The following SAMTOR variants were observed in gnomAD, a reference collection of about 807,000 sequenced individuals.
SAMTOR encodes S-adenosylmethionine sensor upstream of mTORC1.
the SAMTOR span, among the ~76,000 whole-genome samples, chr7:112,891,474 C>A: frequency 6.6e-6 from 1 of 152,134 alleles, no homozygotes; most frequent in Non-Finnish European, 1.5e-5. Context: ...TTTTCTGTGT[C>A]TATCAAGAAT....
the SAMTOR span, among the ~76,000 whole-genome samples, chr7:112,896,316 C>A: frequency 6.6e-6 from 1 of 152,178 alleles, no homozygotes. Context: ...ACATATAGCT[C>A]ATACTTTACA....
the SAMTOR span, among the ~76,000 whole-genome samples, chr7:112,843,791 T>C: frequency 6.6e-6 from 1 of 152,164 alleles, no homozygotes; most frequent in South Asian, 2.1e-4. Flanking sequence ...CACCTCATTC[T>C]ATGAAGCCAG....
chr7:112,834,955 G>C, the SAMTOR span, among the ~76,000 whole-genome samples: 5 of 152,070 alleles, frequency 3.3e-5, no homozygotes, highest in Non-Finnish European at 7.4e-5. Flanking sequence ...AAGATACTTT[G>C]AGATACCATA....
the SAMTOR span, among the ~76,000 whole-genome samples, chr7:112,824,404 A>C: frequency 6.6e-6 from 1 of 151,938 alleles, no homozygotes; most frequent in Non-Finnish European, 1.5e-5. Flanking sequence ...TCTGTTGCCC[A>C]GACTGGAGTG....
chr7:112,870,750 TAAAA>T, the SAMTOR span, among the ~76,000 whole-genome samples: 6 of 135,686 alleles, frequency 4.4e-5, no homozygotes, highest in African/African-American at 1.1e-4. Flanking sequence ...GAAATTGGAT[TAAAA>T]AAAAAAAAAA....
chr7:112,931,355 T>A, the SAMTOR span, among the ~76,000 whole-genome samples: 24 of 89,030 alleles, frequency 2.7e-4, no homozygotes, highest in African/African-American at 6.6e-4. Context: ...AAACTTAATA[T>A]CTACAAACAC....
the SAMTOR span, among the ~76,000 whole-genome samples, chr7:112,871,964 G>C: frequency 6.6e-6 from 1 of 152,108 alleles, no homozygotes; most frequent in Non-Finnish European, 1.5e-5. Flanking sequence ...ACCCTGAAGA[G>C]ACCAATGTGT....
chr7:112,858,946 T>C, the SAMTOR span, among the ~76,000 whole-genome samples: 2 of 152,170 alleles, frequency 1.3e-5, no homozygotes, highest in African/African-American at 4.8e-5. Flanking sequence ...CAAATACCTG[T>C]TTAGATGTCG....
chr7:112,938,966 A>C, the SAMTOR span, among the ~76,000 whole-genome samples: 1 of 152,210 alleles, frequency 6.6e-6, no homozygotes, highest in African/African-American at 2.4e-5. Flanking sequence ...TAAACAGTTA[A>C]GACCAAGTAT....
the SAMTOR span, chr7:112,939,793 G>A: frequency 4.0e-6 from 6 of 1,501,776 alleles, no homozygotes; most frequent in South Asian, 3.5e-5. Flanking sequence ...GGCCCCCGCA[G>A]ACGCTCCCCA....
the SAMTOR span, among the ~76,000 whole-genome samples, chr7:112,888,341 G>A: frequency 6.6e-6 from 1 of 152,020 alleles, no homozygotes; most frequent in South Asian, 2.1e-4. Flanking sequence ...GTGTTTTATG[G>A]CCAAATATGG....
chr7:112,827,979 T>C, the SAMTOR span, among the ~76,000 whole-genome samples: 11 of 152,114 alleles, frequency 7.2e-5, no homozygotes, highest in African/African-American at 2.2e-4. Context: ...CCTCCCAAAG[T>C]GCTGGGATAT....
chr7:112,822,464 T>C, the SAMTOR span: 2 of 1,056,852 alleles, frequency 1.9e-6, no homozygotes, highest in South Asian at 1.6e-5. Flanking sequence ...TCACATATCA[T>C]AGTAATTCCA....
chr7:112,892,736 CA>C, the SAMTOR span, among the ~76,000 whole-genome samples: 1 of 151,480 alleles, frequency 6.6e-6, no homozygotes, highest in African/African-American at 2.4e-5. Context: ...CATGCCACTC[CA>C]CTCCAGCCTG....
At chr7:112,895,730 T>C in the SAMTOR span, 1 of 1,545,746 alleles carries the variant, frequency 6.5e-7, no homozygotes, top group Non-Finnish European at 8.8e-7. Context: ...GGAAATATTC[T>C]CTGCATACAC....
the SAMTOR span, among the ~76,000 whole-genome samples, chr7:112,866,944 A>T: frequency 6.6e-6 from 1 of 152,248 alleles, no homozygotes; most frequent in East Asian, 1.9e-4. Flanking sequence ...GCGATTGTAA[A>T]CAAACTGGGG....
At chr7:112,855,155 T>C in the SAMTOR span, among the ~76,000 whole-genome samples, 1 of 152,232 alleles carries the variant, frequency 6.6e-6, no homozygotes, top group African/African-American at 2.4e-5. Flanking sequence ...TTTAGCAGCC[T>C]GAGCTTTTAA....
chr7:112,830,309 C>T, the SAMTOR span, among the ~76,000 whole-genome samples: 28 of 152,208 alleles, frequency 1.8e-4, no homozygotes, highest in East Asian at 4.4e-3. Context: ...TAAAGCTGGT[C>T]TATCTTATCC....
the SAMTOR span, among the ~76,000 whole-genome samples, chr7:112,893,421 C>T: frequency 6.6e-6 from 1 of 152,172 alleles, no homozygotes; most frequent in Admixed American, 6.5e-5. Flanking sequence ...ATGAACCAAC[C>T]TCTGTTAAGC....
Sources: gnomAD v4.1 joint callset for allele counts (sites outside exome capture counted in the v4.1 genomes callset) on GRCh38, gnomAD v4.1.1 for gene constraint, MANE v1.5 for transcripts, NCBI Gene and HGNC (gene_info 2026-07-23, HGNC 2026-07-21) for gene names.